AZIN1: variants seen among roughly 807,000 people sequenced by gnomAD.
The protein encoded by AZIN1 is ornithine decarboxylase antizyme inhibitor.
Under a neutral mutation model 47.4 loss-of-function variants are expected in AZIN1, and 12 were observed. The ratio of observed to expected loss-of-function variants is 0.25; its 90% CI spans 0.16 to 0.41. The LOEUF is 0.41. Among genes scored for constraint, AZIN1 ranks in the 10% least tolerant of loss-of-function variants. The probability of loss-of-function intolerance (pLI) is 1.00; values close to 1 mark genes in which losing one functional copy is unlikely to be tolerated. For missense variants in AZIN1, 410 were observed against 532.4 expected (o/e 0.77, Z 2.26); for synonymous variants, 155 against 176.3 (o/e 0.88, Z 0.96).
chr8:102,848,966 CA>C (rs1310260054), intron 2 of AZIN1, among the ~76,000 whole-genome samples: 1 of 152,050 alleles, frequency 6.6e-6, no homozygotes, highest in Admixed American at 6.6e-5. Flanking sequence ...CGGGGGTGAG[CA>C]GTTTATACCT....
At chr8:102,860,420 G>A (rs1813563359) in intron 1 of AZIN1, among the ~76,000 whole-genome samples, 1 of 152,072 alleles carries the variant, frequency 6.6e-6, no homozygotes, top group African/African-American at 2.4e-5. Context: ...GTGCCACCAT[G>A]CCCGGCTAAT....
intron 2 of AZIN1, among the ~76,000 whole-genome samples, chr8:102,849,667 T>C (rs1434077353): frequency 1.3e-5 from 2 of 152,222 alleles, no homozygotes; most frequent in Non-Finnish European, 2.9e-5. Context: ...TTTAAGCTAT[T>C]TTCAACCACC....
At chr8:102,840,284 A>C (rs556151281) in intron 3 of AZIN1, among the ~76,000 whole-genome samples, 29 of 152,222 alleles carry the variant, frequency 1.9e-4, no homozygotes, top group Non-Finnish European at 3.8e-4. Flanking sequence ...TCGCCATTAA[A>C]ACTGCACCTT....
chr8:102,863,235 G>A (rs1189075612), intron 1 of AZIN1, among the ~76,000 whole-genome samples: 1 of 151,926 alleles, frequency 6.6e-6, no homozygotes, highest in Non-Finnish European at 1.5e-5. Context: ...GCGCCCCCCA[G>A]GAATCCGACT....
Position 102,836,295 on chromosome 8 carries a change from T to C in AZIN1, c.545A>G (p.Glu182Gly), listed in dbSNP as rs1175673174. ...TTLKNCRHLL[E>G]CAKELDVQII... ...TTGGACATCAAGTTCCTTAGCACAT[T>C]CCAAGAGATGCCTACAGTTCTTCAG... The change falls in exon 6 of 12, where the codon GAA (glutamate) becomes GGA (glycine). Residue 182 changes from glutamate (E) to glycine (G), a missense_variant. Around this residue, in one of 3 missense-constraint regions of AZIN1, gnomAD observed 237 missense variants for 309.4 expected, o/e 0.77. Transcript: ENST00000337198. The C allele has an allele frequency of 6.2e-7, 1 of 1,614,010 alleles. No homozygotes were observed. The highest frequency in any genetic ancestry group is 1.7e-5 in the Admixed American group (1 of 60,014).
chr8:102,840,787 T>C (rs1465643292), intron 3 of AZIN1, among the ~76,000 whole-genome samples: 1 of 152,212 alleles, frequency 6.6e-6, no homozygotes, highest in African/African-American at 2.4e-5. Flanking sequence ...TGTTTTCAAC[T>C]CTTTAATTCA....
Position 102,839,707 on chromosome 8 carries a change from A to G in AZIN1, c.219T>C (p.Ala73=), listed in dbSNP as rs1189038153. The stretch of plus-strand genomic sequence containing the variant: ...CTGCCAAAATCTCAAGTACAGCTGG[A>G]GCAGAGTTGCACTTCACTGTGTAGA... ...KPFYTVKCNS[A]PAVLEILAAL... The change falls in exon 4 of 12, where the codon GCT becomes GCC. Residue 73 remains alanine, a synonymous_variant. Transcript: ENST00000337198. 8 of 1,605,914 alleles carry G rather than the reference A, an allele frequency of 5.0e-6. No homozygotes were observed. The East Asian group carries it at 1.6e-4, about 31-fold the overall frequency.
chr8:102,837,845 TA>T (rs1172766963), intron 5 of AZIN1, among the ~76,000 whole-genome samples: 1 of 152,268 alleles, frequency 6.6e-6, no homozygotes, highest in East Asian at 1.9e-4. Flanking sequence ...AACAACTGCA[TA>T]ATTCAATATG....
At chr8:102,835,089 G>C (rs775549284) in intron 6 of AZIN1, 1 of 177,974 alleles carries the variant, frequency 5.6e-6, no homozygotes, top group Non-Finnish European at 1.2e-5. Flanking sequence ...CTACCAAATC[G>C]TATCACATTC....
In AZIN1 at chr8:102,829,307, C is replaced by A; in HGVS notation, c.1200G>T (p.Arg400Ser). The change falls in exon 11 of 12, where the codon AGG (arginine) becomes AGT (serine). Residue 400 changes from arginine to serine, a missense_variant. Physicochemically the swap from Arg to Ser is moderately radical, Grantham distance 110. Transcript: ENST00000337198. ...ATGACATCATGTAATAAATGGCTGG[C>A]CTCTGAAAATCATTAAAAGCAGATG... ...HEPSAFNDFQ[R>S]PAIYYMMSFS... The A allele has an allele frequency of 6.2e-7, 1 of 1,613,762 alleles. No individual in the cohort carries two copies. The highest frequency in any genetic ancestry group is 1.1e-5 in the South Asian group (1 of 91,052).
At chr8:102,841,805 T>TAAAAAAAAA (rs1269379100) in intron 3 of AZIN1, among the ~76,000 whole-genome samples, 66 of 114,390 alleles carry the variant, frequency 5.8e-4, no homozygotes, top group African/African-American at 2.0e-3. Context: ...TATATATATA[T>TAAAAAAAAA]AAAAAAAAAA....
chr8:102,855,632 T>C (rs1813234919), intron 2 of AZIN1: 2 of 152,194 alleles, frequency 1.3e-5, no homozygotes, highest in Non-Finnish European at 2.9e-5. Flanking sequence ...GGAATCCTAG[T>C]GGACCAGTTC....
chr8:102,863,626 CCCGCCGCCG>C (rs371296627), intron 1 of AZIN1, among the ~76,000 whole-genome samples, 172 bp downstream of exon 1: 3 of 147,884 alleles, frequency 2.0e-5, no homozygotes, highest in South Asian at 2.1e-4. Context: ...GCCGCCCAGC[CCCGCCGCCG>C]CCGCCGCCGC....
chr8:102,829,333 G>T lies in AZIN1; in HGVS notation c.1174C>A (p.Pro392Thr), dbSNP rs764607985. 15 of 1,613,904 alleles carry T rather than the reference G, an allele frequency of 9.3e-6. No homozygotes were observed. The highest frequency in any genetic ancestry group is 1.0e-5 in the Non-Finnish European group (12 of 1,179,854). ...DNMGADSFHE[P>T]SAFNDFQRPA... ...CTCTGAAAATCATTAAAAGCAGATG[G>T]TTCATGGAAAGAATCTGCTCCCATG... is the stretch of plus-strand genomic sequence containing the variant. The change falls in exon 11 of 12, where the codon CCA becomes ACA. Residue 392 changes from proline (P) to threonine (T), a missense_variant. Transcript: ENST00000337198.
chr8:102,848,883 C>A (rs539113130), intron 2 of AZIN1, among the ~76,000 whole-genome samples: 16 of 152,182 alleles, frequency 1.1e-4, no homozygotes, highest in African/African-American at 3.4e-4. Context: ...TAATTGGCGA[C>A]AATATGTCAA....
rs35860063 is a variant in AZIN1, at chr8:102,831,641, C to CAAA, written c.904+1412_904+1414dup. 2.0e-3 allele frequency among the ~76,000 whole-genome samples: 170 copies of CAAA among 83,812 alleles called. 1 individual carries two copies. Among genetic ancestry groups the CAAA allele is most frequent in the African/African-American group, 3.1e-3 (65 of 20,656 alleles). 55.0% of individuals were successfully genotyped at this position (83,812 alleles called of 152,430 possible). ...TTGGGCAACAAGAGCAAAACAGTCT[C>CAAA]AAAAAAAAAAAAAAAAAAAAAATCA... On this transcript the variant is annotated intron_variant, in intron 9 of 11. Transcript: ENST00000337198.
intron 1 of AZIN1, among the ~76,000 whole-genome samples, chr8:102,862,203 G>C (rs1813716512): frequency 6.6e-6 from 1 of 152,090 alleles, no homozygotes; most frequent in Non-Finnish European, 1.5e-5. Flanking sequence ...AGACTTGTGG[G>C]TTTATACTGA....
rs147209574 is a variant in AZIN1, at chr8:102,839,578, TCTAACCGCTGTAA to T, written c.276+59_276+71del. On this transcript the variant is annotated intron_variant, in intron 4 of 11. Coordinates refer to ENST00000337198, the MANE Select transcript of AZIN1 (RefSeq NM_148174.4). ...AAGTCAAACTTCCTTGCATTTGTTC[TCTAACCGCTGTAA>T]CTACATTAAGTTAAATTATTCAATG... is the stretch of plus-strand genomic sequence containing the variant. 10,638 of 1,126,064 alleles carry T rather than the reference TCTAACCGCTGTAA, an allele frequency of 9.4e-3. 66 individuals carry two copies. The highest frequency in any genetic ancestry group is 0.011 in the Non-Finnish European group (9,590 of 844,180). 69.8% of individuals were successfully genotyped at this position (1,126,064 alleles called of 1,614,324 possible). A position where few individuals can be genotyped will look rare whatever the true frequency, so the allele number is the denominator to read the frequency against.
intron 2 of AZIN1, among the ~76,000 whole-genome samples, chr8:102,847,568 C>A (rs1462054302): frequency 6.8e-6 from 1 of 146,546 alleles, no homozygotes; most frequent in Non-Finnish European, 1.5e-5. Flanking sequence ...TCAATTTTTC[C>A]CATTTTTTTT....
Sources: gnomAD v4.1 joint callset for allele counts (sites outside exome capture counted in the v4.1 genomes callset) on GRCh38, gnomAD v4.1.1 for gene constraint, gnomAD v4.1.1 regional missense constraint, MANE v1.5 for transcripts, NCBI Gene and HGNC (gene_info 2026-07-23, HGNC 2026-07-21) for gene names.